Variants in INTS8 observed in about 807,000 individuals in gnomAD.
The protein encoded by INTS8 is protein kaonashi-1.
A neutral mutation model predicts 138.9 loss-of-function variants in INTS8; 47 were observed. That is an observed-to-expected ratio of 0.34 (90% CI 0.27 to 0.43). The LOEUF (loss-of-function observed/expected upper bound fraction) is 0.43, where lower values mean the gene tolerates loss of function less well. Ranked by LOEUF, INTS8 falls within the 20% of genes least tolerant of loss-of-function variation. The probability of loss-of-function intolerance (pLI) is 1.00; values close to 1 mark genes in which losing one functional copy is unlikely to be tolerated. For synonymous variants in INTS8, 392 were observed against 400.9 expected, an observed-to-expected ratio of 0.98 and a Z score of 0.27; for missense variants, 996 against 1,173.0, an observed-to-expected ratio of 0.85 and a Z score of 2.20.
In INTS8 at chr8:94,880,492, T is replaced by C. The variant is rs906391123; in HGVS notation, c.*258T>C. On this transcript the variant is annotated 3_prime_UTR_variant, in exon 27 of 27. Transcript: ENST00000523731. Reference sequence around the variant, plus strand: ...AAACTAGCAATCTAGTTTTCTAATCTACTTTATGAGGCTGGATTTTTTTTT... The same window carrying C: ...AAACTAGCAATCTAGTTTTCTAATCCACTTTATGAGGCTGGATTTTTTTTT... 1 of 309,928 alleles carries C rather than the reference T, an allele frequency of 3.2e-6. No homozygotes were observed. Among genetic ancestry groups the C allele is most frequent in the Non-Finnish European group, 5.8e-6 (1 of 172,682 alleles). 19.2% of individuals were successfully genotyped at this position (309,928 alleles called of 1,614,324 possible). A position where few individuals can be genotyped will look rare whatever the true frequency, so the allele number is the denominator to read the frequency against.
At chr8:94,870,059 T>C in intron 20 of INTS8, among the ~76,000 whole-genome samples, 1 of 149,794 alleles carries the variant, frequency 6.7e-6, no homozygotes, top group Non-Finnish European at 1.5e-5. Flanking sequence ...ATTTATTTAT[T>C]TTTTTTTTTT....
chr8:94,825,357 G>A (rs1262684255), intron 2 of INTS8, among the ~76,000 whole-genome samples: 2 of 151,746 alleles, frequency 1.3e-5, no homozygotes, highest in Non-Finnish European at 1.5e-5. Context: ...GCTTGAACCC[G>A]GGAGGCTGAG....
rs1018302761 is a variant in INTS8, at chr8:94,880,958, T to C, written c.*724T>C. 4 of 398,674 alleles carry C rather than the reference T, an allele frequency of 1.0e-5. No homozygotes were observed. In the South Asian group the frequency reaches 5.1e-4, roughly 51 times the overall value. The allele number at this position is 398,674 out of a possible 1,614,324, so 24.7% of individuals were successfully genotyped here. ...ATCTTGTTTATAATTTCTTTGGTACTCCCACTGTTTAGAGCACAGGTTGAA... is the reference window on the plus strand; with the variant it reads ...ATCTTGTTTATAATTTCTTTGGTACCCCCACTGTTTAGAGCACAGGTTGAA... On this transcript the variant is annotated 3_prime_UTR_variant, in exon 27 of 27. Transcript: ENST00000523731.
chr8:94,837,158 G>A (rs1418273999), intron 7 of INTS8, among the ~76,000 whole-genome samples: 1 of 152,168 alleles, frequency 6.6e-6, no homozygotes, highest in Non-Finnish European at 1.5e-5. Flanking sequence ...ACTTCAGTTA[G>A]CAGTGAGTGT....
At chr8:94,873,681 T>C (rs2131075273) in intron 22 of INTS8, 1 of 493,106 alleles carries the variant, frequency 2.0e-6, no homozygotes, top group East Asian at 3.4e-5. Flanking sequence ...ACACCTCAAA[T>C]TCAACTTGTC....
intron 9 of INTS8, 35 bp downstream of exon 9, chr8:94,841,626 A>T (rs750270955): frequency 1.8e-6 from 2 of 1,097,714 alleles, no homozygotes; most frequent in Non-Finnish European, 2.7e-6. Flanking sequence ...TTGATTTTTG[A>T]ATAAAACAGC....
Position 94,881,274 on chromosome 8 carries a change from T to TA in INTS8, c.*1041dup. Reference sequence around the variant, plus strand: ...TTAGTATACCCTTTAAGGTAGCACTTATCCAGTCCAAAACTCCAGTGACAA... The same window carrying TA: ...TTAGTATACCCTTTAAGGTAGCACTTAATCCAGTCCAAAACTCCAGTGACAA... On this transcript the variant is annotated 3_prime_UTR_variant, in exon 27 of 27. Coordinates refer to ENST00000523731, the MANE Select transcript of INTS8 (RefSeq NM_017864.4). 1 of 358,292 alleles carries TA rather than the reference T, an allele frequency of 2.8e-6. No homozygotes were observed. Among genetic ancestry groups the TA allele is most frequent in the Non-Finnish European group, 5.0e-6 (1 of 201,586 alleles). The allele number at this position is 358,292 out of a possible 1,614,324, so 22.2% of individuals were successfully genotyped here. A position where few individuals can be genotyped will look rare whatever the true frequency, so the allele number is the denominator to read the frequency against.
chr8:94,829,918 G>C (rs1814649714), intron 5 of INTS8, among the ~76,000 whole-genome samples: 1 of 151,058 alleles, frequency 6.6e-6, no homozygotes, highest in African/African-American at 2.4e-5. Context: ...TTATTTTTTT[G>C]AGACAGAGTC....
chr8:94,871,841 G>T, intron 20 of INTS8, 43 bp from the exon 21 acceptor site: 1 of 1,078,814 alleles, frequency 9.3e-7, no homozygotes, highest in South Asian at 1.3e-5. Context: ...ATTTAAAGTT[G>T]ACTTTTAAAA....
At chr8:94,849,581 A>T in intron 11 of INTS8, 49 bp downstream of exon 11, 1 of 1,101,046 alleles carries the variant, frequency 9.1e-7, no homozygotes, top group Non-Finnish European at 1.3e-6. Flanking sequence ...CTTTGAACTT[A>T]GTCCTGTGAA....
chr8:94,841,757 C>T (rs1321084408), intron 9 of INTS8, among the ~76,000 whole-genome samples, 166 bp downstream of exon 9: 1 of 151,856 alleles, frequency 6.6e-6, no homozygotes, highest in Admixed American at 6.6e-5. Context: ...GGTGTTCCTC[C>T]GTCTAGTCTG....
intron 26 of INTS8, among the ~76,000 whole-genome samples, chr8:94,878,787 C>A (rs1230761147): frequency 6.6e-6 from 1 of 152,348 alleles, no homozygotes; most frequent in East Asian, 1.9e-4. Context: ...AATGCCAGAT[C>A]CAGTGGATAC....
chr8:94,827,773 C>A lies in INTS8; in HGVS notation c.498C>A (p.Pro166=). 5 of 1,613,926 alleles carry A rather than the reference C, an allele frequency of 3.1e-6. No individual in the cohort carries two copies. The highest frequency in any genetic ancestry group is 4.2e-6 in the Non-Finnish European group (5 of 1,179,850). The part of the protein sequence containing the change: ...QSSFPVKQAK[P]GPPQLSVMNQ... The stretch of plus-strand genomic sequence containing the variant: ...GTTTTCCAGTCAAACAGGCAAAACC[C>A]GGACCCCCTCAGTTAAGTGTGTAAG... Residue 166 remains proline (P), a synonymous_variant, in exon 4 of 27, where the codon CCC becomes CCA. Transcript: ENST00000523731.
chr8:94,823,558 C>G lies in INTS8; in HGVS notation c.127C>G (p.Pro43Ala). Residue 43 changes from proline to alanine, a missense_variant, in exon 1 of 27, where the codon CCG becomes GCG. By Grantham distance (27) the Pro-to-Ala change is conservative. Coordinates refer to ENST00000523731, the MANE Select transcript of INTS8 (RefSeq NM_017864.4). Reference protein sequence around the residue: ...LLEKHLRKPCPDPAPVQLIVQ... With the variant: ...LLEKHLRKPCADPAPVQLIVQ... Reference sequence around the variant, plus strand: ...GGAGAAACATCTGCGCAAGCCCTGCCCGGGTGAGCGCGGCGCCTGCACCTG... The same window carrying G: ...GGAGAAACATCTGCGCAAGCCCTGCGCGGGTGAGCGCGGCGCCTGCACCTG... 1 of 1,571,440 alleles carries G rather than the reference C, an allele frequency of 6.4e-7. No homozygotes were observed. The highest frequency in any genetic ancestry group is 8.6e-7 in the Non-Finnish European group (1 of 1,160,222).
At chr8:94,864,349 G>GC (rs1816099891) in intron 16 of INTS8, among the ~76,000 whole-genome samples, 1 of 152,082 alleles carries the variant, frequency 6.6e-6, no homozygotes, top group Admixed American at 6.6e-5. Flanking sequence ...AATTATCCTT[G>GC]CTACTGCACC....
At chr8:94,842,680 T>G (rs1365041201) in intron 10 of INTS8, among the ~76,000 whole-genome samples, 192 bp downstream of exon 10, 1 of 152,238 alleles carries the variant, frequency 6.6e-6, no homozygotes, top group Non-Finnish European at 1.5e-5. Context: ...TCGCTCCATG[T>G]TTCTTCAGCA....
chr8:94,831,334 G>A (rs1310336899), intron 5 of INTS8, among the ~76,000 whole-genome samples: 1 of 151,918 alleles, frequency 6.6e-6, no homozygotes. Flanking sequence ...GGCAGGTCTC[G>A]AACCCCTGGC....
intron 7 of INTS8, among the ~76,000 whole-genome samples, chr8:94,837,557 C>CT (rs58772573): frequency 8.1e-4 from 119 of 147,806 alleles, no homozygotes; most frequent in African/African-American, 2.6e-3. Flanking sequence ...TTTTTTCAAA[C>CT]TTTTTTTTTT....
intron 4 of INTS8, among the ~76,000 whole-genome samples, chr8:94,828,045 G>GT (rs67211071): frequency 5.0e-4 from 71 of 141,892 alleles, no homozygotes; most frequent in Admixed American, 1.1e-3. Context: ...TTTTTTTTTT[G>GT]TTTTTTTTTT....
Sources: gnomAD v4.1 joint callset for allele counts (sites outside exome capture counted in the v4.1 genomes callset) on GRCh38, gnomAD v4.1.1 for gene constraint, MANE v1.5 for transcripts, NCBI Gene and HGNC (gene_info 2026-07-23, HGNC 2026-07-21) for gene names.